CELF2: variants seen among roughly 807,000 people sequenced by gnomAD.
CELF2 encodes the protein CUG triplet repeat RNA-binding protein 2.
Under a neutral mutation model 62.6 loss-of-function variants are expected in CELF2, and 8 were observed. The ratio of observed to expected loss-of-function variants is 0.13; its 90% confidence interval spans 0.07 to 0.23. The LOEUF (loss-of-function observed/expected upper bound fraction) is 0.23, where lower values mean the gene tolerates loss of function less well. Ranked by LOEUF, CELF2 falls within the 10% of genes least tolerant of loss-of-function variation. CELF2 has a pLI of 1.00. For missense variants in CELF2, 333 were observed against 671.0 expected (o/e 0.50, Z 5.56); for synonymous variants, 258 against 250.0 (o/e 1.03, Z -0.30).
At chr10:10,651,809 G>C in the CELF2 span, among the ~76,000 whole-genome samples, 1 of 151,918 alleles carries the variant, frequency 6.6e-6, no homozygotes, top group East Asian at 1.9e-4. Context: ...CTAAAAAGCA[G>C]AGCGCCTCTC....
chr10:11,091,895 C>T (rs989268883), intron 1 of CELF2, among the ~76,000 whole-genome samples: 10 of 152,188 alleles, frequency 6.6e-5, no homozygotes, highest in South Asian at 4.1e-4. Flanking sequence ...AAGACGGTAA[C>T]GTTGGCTTAA....
chr10:11,064,270 G>A (rs370188045), intron 1 of CELF2, among the ~76,000 whole-genome samples: 13 of 152,124 alleles, frequency 8.5e-5, no homozygotes, highest in East Asian at 3.8e-4. Context: ...CTGATTTGTG[G>A]ATTTGGTTTC....
chr10:11,165,435 T>C lies in CELF2; in HGVS notation c.75-51T>C. ...CCCCACCCCCACTATTTTTTCTTCCTGTCCCTCATCGTGCCGCCCTAACTC... is the reference window on the plus strand; with the variant it reads ...CCCCACCCCCACTATTTTTTCTTCCCGTCCCTCATCGTGCCGCCCTAACTC... On this transcript the variant is annotated intron_variant, in intron 1 of 12. Coordinates refer to ENST00000633077, the MANE Select transcript of CELF2 (RefSeq NM_001326342.2). The surrounding 1 kb of genome is among the most constrained non-coding windows in gnomAD (Gnocchi z 7.4). The C allele has an allele frequency of 6.4e-7, 1 of 1,551,402 alleles. No homozygotes were observed. The highest frequency in any genetic ancestry group is 8.8e-7 in the Non-Finnish European group (1 of 1,138,508).
upstream of CELF2, among the ~76,000 whole-genome samples, chr10:10,795,173 G>A (rs1219467907): frequency 6.6e-6 from 1 of 151,886 alleles, no homozygotes; most frequent in Non-Finnish European, 1.5e-5. Flanking sequence ...CTATGAAAAG[G>A]AAAGTGACGA....
At chr10:11,182,393 A>T (rs529806647) in intron 2 of CELF2, among the ~76,000 whole-genome samples, 106 of 152,236 alleles carry the variant, frequency 7.0e-4, no homozygotes, top group African/African-American at 2.3e-3. Flanking sequence ...CGACCCTTTT[A>T]TGAGGCTATG....
chr10:10,510,761 C>A, the CELF2 span, among the ~76,000 whole-genome samples: 2 of 152,270 alleles, frequency 1.3e-5, no homozygotes, highest in South Asian at 4.1e-4. Context: ...GAGTGCTGGG[C>A]AGTTGATGGA....
chr10:11,325,911 T>C lies in CELF2; in HGVS notation c.1370T>C (p.Met457Thr). ...FGDQDILQMFMPFGNVISAKV... is the reference protein window; with the variant it reads ...FGDQDILQMFTPFGNVISAKV... ...GACCAGGACATTCTGCAGATGTTCA[T>C]GCCTTTTGGAAATGTTATCTCTGCT... The change falls in exon 12 of 13, where the codon ATG becomes ACG. Residue 457 changes from methionine (M) to threonine (T), a missense_variant. Physicochemically the swap from Met to Thr is moderately conservative, Grantham distance 81. Coordinates refer to ENST00000633077, the MANE Select transcript of CELF2 (RefSeq NM_001326342.2). The C allele has an allele frequency of 6.2e-7, 1 of 1,614,180 alleles. No individual in the cohort carries two copies. The highest frequency in any genetic ancestry group is 8.5e-7 in the Non-Finnish European group (1 of 1,179,990).
chr10:10,534,480 G>C, the CELF2 span, among the ~76,000 whole-genome samples: 3 of 152,192 alleles, frequency 2.0e-5, no homozygotes, highest in Non-Finnish European at 2.9e-5. Context: ...AACACACAGA[G>C]TTGGGTTAAC....
At chr10:10,649,643 A>G in the CELF2 span, among the ~76,000 whole-genome samples, 1 of 152,236 alleles carries the variant, frequency 6.6e-6, no homozygotes, top group Non-Finnish European at 1.5e-5. Flanking sequence ...GTAGATTTTA[A>G]GTTGGATCTG....
At chr10:11,327,574 G>C (rs1183682322) in intron 12 of CELF2, among the ~76,000 whole-genome samples, 1 of 152,124 alleles carries the variant, frequency 6.6e-6, no homozygotes, top group Non-Finnish European at 1.5e-5. Context: ...TCTTAGCCAG[G>C]TTTTGTTATC....
the CELF2 span, among the ~76,000 whole-genome samples, chr10:10,679,144 G>A: frequency 6.6e-6 from 1 of 152,122 alleles, no homozygotes; most frequent in Non-Finnish European, 1.5e-5. Flanking sequence ...ATAAGCTGGT[G>A]GCTATAATTT....
chr10:10,508,708 A>AT, the CELF2 span, among the ~76,000 whole-genome samples: 90 of 134,472 alleles, frequency 6.7e-4, 3 homozygotes, highest in African/African-American at 2.3e-3. Flanking sequence ...GTGTGTGTAT[A>AT]TTTTTTTTTT....
At chr10:11,118,322 A>G (rs1297293273) in intron 1 of CELF2, among the ~76,000 whole-genome samples, 3 of 151,910 alleles carry the variant, frequency 2.0e-5, no homozygotes, top group Admixed American at 2.0e-4. Flanking sequence ...TTTTCCTCTT[A>G]AGTGGCATGC....
Position 10,999,288 on chromosome 10 carries a change from G to A in CELF2, c.89+79289G>A, listed in dbSNP as rs142511264. On this transcript the variant is annotated intron_variant, in intron 2 of 13. Coordinates refer to the CELF2 transcript ENST00000636488. ...CCTAAGTGTCTACCACATACCACAC[G>A]TTGTTCTAAAGTGGGGATAAAATGG... Among the ~76,000 whole-genome samples, 26 of 152,338 alleles carry A rather than the reference G, an allele frequency of 1.7e-4. No homozygotes were observed. In the East Asian group the frequency reaches 4.0e-3, roughly 24 times the overall value.
rs975435066 is a variant in CELF2, at chr10:11,011,010, C to T, written c.53+5570C>T. 5.3e-5 allele frequency: 8 copies of T among 152,158 alleles called. No homozygotes were observed. Among genetic ancestry groups the T allele is most frequent in the Admixed American group, 5.2e-4 (8 of 15,284 alleles). The allele number at this position is 152,158 out of a possible 1,614,324, so 9.4% of individuals were successfully genotyped here. A position where few individuals can be genotyped will look rare whatever the true frequency, so the allele number is the denominator to read the frequency against. On this transcript the variant is annotated intron_variant, in intron 1 of 12. Coordinates refer to the CELF2 transcript ENST00000416382. This position sits in a 1 kb window ranked among gnomAD's most constrained non-coding sequence, Gnocchi z 4.6. ...AAGAAAGGAAACATTTTTGAAAGTA[C>T]CAATGTAGATTCTAACAACTCTCTC...
At chr10:11,103,308 C>T (rs879066082) in intron 1 of CELF2, among the ~76,000 whole-genome samples, 1 of 150,608 alleles carries the variant, frequency 6.6e-6, no homozygotes, top group African/African-American at 2.5e-5. Flanking sequence ...ATTTTTGCTC[C>T]GATGCTTTCT....
At chr10:10,647,388 A>T in the CELF2 span, among the ~76,000 whole-genome samples, 1 of 152,034 alleles carries the variant, frequency 6.6e-6, no homozygotes, top group Non-Finnish European at 1.5e-5. Context: ...TTTAGATTTG[A>T]TCTCAACTCT....
Position 10,837,801 on chromosome 10 carries a change from G to C in CELF2, c.53+38984G>C, listed in dbSNP as rs112252076. 2.2e-3 allele frequency among the ~76,000 whole-genome samples: 335 copies of C among 152,176 alleles called. 1 individual carries two copies. Among genetic ancestry groups the C allele is most frequent in the African/African-American group, 6.6e-3 (276 of 41,528 alleles). On this transcript the variant is annotated intron_variant, in intron 1 of 13. Transcript: ENST00000636488. Reference sequence around the variant, plus strand: ...GATCCTGACCCAATGGCCATGTTTTGTTTTGCTTTTAGTAGACTTTTTTTT... The same window carrying C: ...GATCCTGACCCAATGGCCATGTTTTCTTTTGCTTTTAGTAGACTTTTTTTT...
Position 11,005,569 on chromosome 10 carries a change from G to A in CELF2, c.53+129G>A, listed in dbSNP as rs533147315. 1.2e-3 allele frequency: 1,709 copies of A among 1,385,818 alleles called. 6 individuals are homozygous for A. The highest frequency in any genetic ancestry group is 9.9e-4 in the Non-Finnish European group (980 of 991,320). The allele number at this position is 1,385,818 out of a possible 1,614,324, so 85.8% of individuals were successfully genotyped here. A position where few individuals can be genotyped will look rare whatever the true frequency, so the allele number is the denominator to read the frequency against. Reference sequence around the variant, plus strand: ...GAGAAGGGGGGAAAAAGAATCTAAAGAGGAAGAGGGAGATGAAATCGAGAC... The same window carrying A: ...GAGAAGGGGGGAAAAAGAATCTAAAAAGGAAGAGGGAGATGAAATCGAGAC... On this transcript the variant is annotated intron_variant, in intron 1 of 12. Coordinates refer to the CELF2 transcript ENST00000416382. This position sits in a 1 kb window ranked among gnomAD's most constrained non-coding sequence, Gnocchi z 4.3.
Sources: allele counts gnomAD v4.1 joint callset (sites outside exome capture counted in the v4.1 genomes callset), GRCh38; gene constraint gnomAD v4.1.1; non-coding constraint Gnocchi (gnomAD v3.1); transcripts MANE v1.5; gene names NCBI Gene and HGNC (gene_info 2026-07-23, HGNC 2026-07-21).